FIP1L1: variants seen among roughly 807,000 people sequenced by gnomAD.
FIP1L1 encodes pre-mRNA 3'-end-processing factor FIP1.
FIP1L1 carries 21 observed loss-of-function variants against 84.6 expected under a neutral mutation model. The observed-to-expected ratio is 0.25, with a 90% CI of 0.18 to 0.36. The LOEUF is 0.36. FIP1L1 is among the 10% of genes least tolerant of loss of function. The pLI is 1.00. For synonymous variants in FIP1L1, 263 were observed against 242.3 expected (o/e 1.09, Z -0.80); for missense variants, 526 against 751.1 (o/e 0.70, Z 3.50).
intron 9 of FIP1L1, 114 bp downstream of exon 9, chr4:53,391,612 C>A: frequency 1.4e-6 from 1 of 696,010 alleles, no homozygotes; most frequent in Non-Finnish European, 2.5e-6. Context: ...TTTTCCAAAC[C>A]TTCAGCTTCC....
intron 5 of FIP1L1, among the ~76,000 whole-genome samples, chr4:53,387,289 C>G (rs930641025): frequency 1.3e-5 from 2 of 152,138 alleles, no homozygotes; most frequent in Non-Finnish European, 2.9e-5. Context: ...ATAGTAAGAT[C>G]CTGTCTCAAA....
intron 13 of FIP1L1, among the ~76,000 whole-genome samples, chr4:53,441,562 A>G (rs1480401597): frequency 6.6e-6 from 1 of 152,010 alleles, no homozygotes; most frequent in African/African-American, 2.4e-5. Flanking sequence ...AAGATGTTTA[A>G]TAGAGGAATT....
chr4:53,431,153 A>G (rs1300771778), intron 13 of FIP1L1, among the ~76,000 whole-genome samples: 1 of 152,196 alleles, frequency 6.6e-6, no homozygotes, highest in Non-Finnish European at 1.5e-5. Flanking sequence ...TGATTTTCGG[A>G]TTTATACCTG....
chr4:53,404,517 G>A (rs578110913), intron 10 of FIP1L1, among the ~76,000 whole-genome samples: 7 of 152,148 alleles, frequency 4.6e-5, no homozygotes, highest in South Asian at 2.1e-4. Context: ...AGTCCTTTGC[G>A]TATATACCCA....
Position 53,377,694 on chromosome 4 carries a change from T to A in FIP1L1, c.-145T>A. The A allele has an allele frequency of 1.5e-6, 1 of 682,146 alleles. No homozygotes were observed. Among genetic ancestry groups the A allele is most frequent in the Non-Finnish European group, 2.3e-6 (1 of 433,580 alleles). The allele number at this position is 682,146 out of a possible 1,614,324, so 42.3% of individuals were successfully genotyped here. On this transcript the variant is annotated 5_prime_UTR_variant, in exon 1 of 18. Coordinates refer to ENST00000337488, the MANE Select transcript of FIP1L1 (RefSeq NM_030917.4). The stretch of plus-strand genomic sequence containing the variant: ...GGCTTCATCTTTGCCGCCGCTGCCG[T>A]CGCCTTCCTGGGATTGGAGTCTCGA...
At position 53,458,702 on chromosome 4, in the gene FIP1L1, C is replaced by A; in HGVS notation, c.1549C>A (p.Arg517Ser). 6.2e-7 allele frequency: 1 copy of A among 1,613,002 alleles called. No individual in the cohort carries two copies. The highest frequency in any genetic ancestry group is 1.1e-5 in the South Asian group (1 of 91,008). ...YREYAERGYE[R>S]HRASREKEER... ...GGAATATGCAGAAAGAGGTTATGAG[C>A]GTCACAGAGCAAGTCGAGAAAAAGA... is the stretch of plus-strand genomic sequence containing the variant. Residue 517 changes from arginine to serine, a missense_variant, in exon 17 of 18, where the codon CGT becomes AGT. By Grantham distance (110) the Arg-to-Ser change is moderately radical. Around this residue, in one of 6 missense-constraint regions of FIP1L1, gnomAD observed 89 missense variants for 169.0 expected, o/e 0.53. Coordinates refer to ENST00000337488, the MANE Select transcript of FIP1L1 (RefSeq NM_030917.4).
chr4:53,441,364 G>A (rs1771855112), intron 13 of FIP1L1, among the ~76,000 whole-genome samples: 1 of 151,820 alleles, frequency 6.6e-6, no homozygotes, highest in Admixed American at 6.6e-5. Context: ...GCATAGTACA[G>A]TATACATACT....
At chr4:53,414,589 A>G in intron 10 of FIP1L1, 26 bp from the exon 11 acceptor site, 3 of 1,554,008 alleles carry the variant, frequency 1.9e-6, no homozygotes, top group Non-Finnish European at 2.7e-6. Context: ...TATGTAAGAA[A>G]AAACATAGAA....
rs759526633 is a variant in FIP1L1, at chr4:53,391,184, C to G, written c.636+45C>G. On this transcript the variant is annotated intron_variant, in intron 8 of 17. Coordinates refer to ENST00000337488, the MANE Select transcript of FIP1L1 (RefSeq NM_030917.4). ...GAATACCCTTGGCTTGTCTACCGTCCCACTTTTACTCCCCAAATAAATCGC... is the reference window on the plus strand; with the variant it reads ...GAATACCCTTGGCTTGTCTACCGTCGCACTTTTACTCCCCAAATAAATCGC... The G allele has an allele frequency of 1.7e-5, 26 of 1,554,834 alleles. 4 individuals carry two copies. In the South Asian group the frequency reaches 3.1e-4, roughly 18 times the overall value.
intron 4 of FIP1L1, among the ~76,000 whole-genome samples, chr4:53,382,730 T>TA (rs879757161): frequency 6.6e-6 from 1 of 152,256 alleles, no homozygotes; most frequent in Non-Finnish European, 1.5e-5. Flanking sequence ...ATGCCATTGA[T>TA]ACTTTGTGAG....
intron 10 of FIP1L1, among the ~76,000 whole-genome samples, chr4:53,412,285 C>T (rs1003279251): frequency 4.6e-5 from 7 of 152,136 alleles, no homozygotes; most frequent in East Asian, 1.9e-4. Flanking sequence ...GATAATCATA[C>T]GGCAGAGTTA....
At position 53,460,378 on chromosome 4, in the gene FIP1L1, GAATAA is replaced by G; in HGVS notation, c.*931_*935del. 5.3e-6 allele frequency: 1 copy of G among 190,174 alleles called. No individual in the cohort carries two copies. The highest frequency in any genetic ancestry group is 8.5e-5 in the East Asian group (1 of 11,736). 11.8% of individuals were successfully genotyped at this position (190,174 alleles called of 1,614,324 possible). On this transcript the variant is annotated 3_prime_UTR_variant, in exon 18 of 18. Coordinates refer to ENST00000337488, the MANE Select transcript of FIP1L1 (RefSeq NM_030917.4). ...GTAACAAATAACATGGTATTTGAAAGAATAAATTACTAGGATCTTTTAAATAGTGA... is the reference window on the plus strand; with the variant it reads ...GTAACAAATAACATGGTATTTGAAAGATTACTAGGATCTTTTAAATAGTGA...
At chr4:53,379,773 G>T (rs752665782) in intron 3 of FIP1L1, among the ~76,000 whole-genome samples, 146 of 152,294 alleles carry the variant, frequency 9.6e-4, no homozygotes, top group African/African-American at 3.3e-3. Flanking sequence ...TAAGAAAGAT[G>T]TAAGTGTTCA....
intron 13 of FIP1L1, among the ~76,000 whole-genome samples, chr4:53,430,486 C>T (rs758996034): frequency 5.3e-5 from 8 of 151,166 alleles, no homozygotes; most frequent in South Asian, 2.1e-4. Flanking sequence ...GTACTACAGG[C>T]GTGTGCCACC....
At chr4:53,426,612 G>T (rs1764465532) in intron 12 of FIP1L1, among the ~76,000 whole-genome samples, 1 of 152,120 alleles carries the variant, frequency 6.6e-6, no homozygotes, top group South Asian at 2.1e-4. Flanking sequence ...ACCACCTAAA[G>T]ATAACCACAT....
chr4:53,432,398 CAAAAAAAAA>C (rs35596754), intron 13 of FIP1L1, among the ~76,000 whole-genome samples: 2 of 68,396 alleles, frequency 2.9e-5, no homozygotes, highest in South Asian at 8.1e-4. Context: ...AACTCCATCT[CAAAAAAAAA>C]AAAAAAAAAA....
chr4:53,426,503 C>T (rs1221954176), intron 12 of FIP1L1, among the ~76,000 whole-genome samples: 5 of 151,864 alleles, frequency 3.3e-5, no homozygotes, highest in Non-Finnish European at 7.4e-5. Context: ...CAAAATGTTT[C>T]GGATTTTAGA....
intron 13 of FIP1L1, among the ~76,000 whole-genome samples, chr4:53,436,510 T>A (rs1461672569): frequency 6.6e-6 from 1 of 152,192 alleles, no homozygotes; most frequent in Non-Finnish European, 1.5e-5. Flanking sequence ...TAACTGTCTT[T>A]TGTAACCTAG....
chr4:53,406,885 T>G (rs1224482788), intron 10 of FIP1L1, among the ~76,000 whole-genome samples: 4 of 152,192 alleles, frequency 2.6e-5, no homozygotes, highest in African/African-American at 9.6e-5. Context: ...TTGTGTGTAT[T>G]TGATTCTTTT....
Sources: gnomAD v4.1 joint callset for allele counts (sites outside exome capture counted in the v4.1 genomes callset) on GRCh38, gnomAD v4.1.1 for gene constraint, gnomAD v4.1.1 regional missense constraint, MANE v1.5 for transcripts, NCBI Gene and HGNC (gene_info 2026-07-23, HGNC 2026-07-21) for gene names.